GFOD1: variants seen among roughly 807,000 people sequenced by gnomAD.
GFOD1 encodes glucose-fructose oxidoreductase domain-containing protein 1.
In GFOD1, 9 loss-of-function variants were observed where a neutral mutation model predicts 25.4. That is an observed-to-expected ratio of 0.35 (90% confidence interval 0.21 to 0.62). The LOEUF is 0.62. Ranked by LOEUF, GFOD1 falls within the 20% of genes least tolerant of loss-of-function variation. GFOD1 has a pLI of 0.72. For synonymous variants in GFOD1, 253 were observed against 245.6 expected (o/e 1.03, Z -0.28); for missense variants, 403 against 556.9 (o/e 0.72, Z 2.78).
intron 1 of GFOD1, among the ~76,000 whole-genome samples, chr6:13,459,233 C>T (rs1758248307): frequency 1.3e-5 from 2 of 151,950 alleles, no homozygotes; most frequent in Non-Finnish European, 2.9e-5. Context: ...CTTCGACAAA[C>T]CTGACAAAAA....
At chr6:13,396,210 C>T (rs936935597) in intron 1 of GFOD1, among the ~76,000 whole-genome samples, 17 of 152,284 alleles carry the variant, frequency 1.1e-4, no homozygotes, top group African/African-American at 3.6e-4. Flanking sequence ...TGTTTGCCAG[C>T]GACAGTACTA....
chr6:13,403,050 G>A (rs189033281), intron 1 of GFOD1, among the ~76,000 whole-genome samples: 131 of 150,966 alleles, frequency 8.7e-4, no homozygotes, highest in African/African-American at 2.9e-3. Context: ...ATTATACAGT[G>A]TACTTACACA....
intron 1 of GFOD1, among the ~76,000 whole-genome samples, chr6:13,474,021 G>A (rs1302094655): frequency 1.3e-5 from 2 of 152,188 alleles, no homozygotes; most frequent in Non-Finnish European, 2.9e-5. Context: ...AGCCCCTTCC[G>A]GGCCCCTTGT....
In GFOD1 at chr6:13,358,321, C is replaced by T. The variant is rs1022606307; in HGVS notation, c.*6422G>A. On this transcript the variant is annotated 3_prime_UTR_variant, in exon 2 of 2. Coordinates refer to ENST00000379287, the MANE Select transcript of GFOD1 (RefSeq NM_018988.4). Reference sequence around the variant, plus strand: ...TTATATATATAAGTTTGGTTTTATACATATACATACATATATACTCATGTT... The same window carrying T: ...TTATATATATAAGTTTGGTTTTATATATATACATACATATATACTCATGTT... 30 of 151,806 alleles carry T rather than the reference C, an allele frequency of 2.0e-4. No homozygotes were observed. Among genetic ancestry groups the T allele is most frequent in the Non-Finnish European group, 2.6e-4 (18 of 67,988 alleles). The allele number at this position is 151,806 out of a possible 1,614,324, so 9.4% of individuals were successfully genotyped here. A position where few individuals can be genotyped will look rare whatever the true frequency, so the allele number is the denominator to read the frequency against.
rs952552541 is a variant in GFOD1 at position 13,360,568 on chromosome 6, A to G, written c.*4175T>C. 2.2e-4 allele frequency: 86 copies of G among 387,482 alleles called. No individual in the cohort carries two copies. Among genetic ancestry groups the G allele is most frequent in the Middle Eastern group, 4.1e-4 (1 of 2,428 alleles). The allele number at this position is 387,482 out of a possible 1,614,324, so 24.0% of individuals were successfully genotyped here. On this transcript the variant is annotated 3_prime_UTR_variant, in exon 2 of 2. Coordinates refer to ENST00000379287, the MANE Select transcript of GFOD1 (RefSeq NM_018988.4). ...AGCCAACAAGATTTTGAAAATCCCC[A>G]GCCCTGAGGCTTGCTGCATCACCTA... is the stretch of plus-strand genomic sequence containing the variant.
chr6:13,399,533 T>C (rs1207179080), intron 1 of GFOD1, among the ~76,000 whole-genome samples: 1 of 152,180 alleles, frequency 6.6e-6, no homozygotes, highest in African/African-American at 2.4e-5. Flanking sequence ...TAAAATAGAA[T>C]ACTACTCAGC....
intron 1 of GFOD1, among the ~76,000 whole-genome samples, chr6:13,475,724 A>G (rs112672190): frequency 0.025 from 46 of 1,874 alleles, no homozygotes; most frequent in Middle Eastern, 0.5. Flanking sequence ...TCTCAAAATA[A>G]TAATAATAAT....
At chr6:13,388,608 T>G (rs920763067) in intron 1 of GFOD1, among the ~76,000 whole-genome samples, 5 of 152,096 alleles carry the variant, frequency 3.3e-5, no homozygotes, top group African/African-American at 1.2e-4. Flanking sequence ...ATGCAAAAAT[T>G]AACTCAAGAT....
At chr6:13,395,042 C>G (rs997843007) in intron 1 of GFOD1, among the ~76,000 whole-genome samples, 1 of 152,166 alleles carries the variant, frequency 6.6e-6, no homozygotes, top group Non-Finnish European at 1.5e-5. Context: ...TTTAGCCTCT[C>G]AAAGTATTGG....
At chr6:13,385,330 G>A (rs192797882) in intron 1 of GFOD1, among the ~76,000 whole-genome samples, 85 of 152,318 alleles carry the variant, frequency 5.6e-4, no homozygotes, top group Non-Finnish European at 1.0e-3. Context: ...TAAACTGCAA[G>A]ATGACATCTG....
At chr6:13,471,315 G>A (rs770699914) in intron 1 of GFOD1, among the ~76,000 whole-genome samples, 15 of 152,126 alleles carry the variant, frequency 9.9e-5, no homozygotes, top group Non-Finnish European at 2.2e-4. Context: ...GCTTTGAGGA[G>A]GGAAAATGTC....
intron 1 of GFOD1, among the ~76,000 whole-genome samples, chr6:13,386,278 T>C (rs1227975298): frequency 6.6e-6 from 1 of 152,140 alleles, no homozygotes; most frequent in Non-Finnish European, 1.5e-5. Context: ...TGATGTCGAG[T>C]TGTTCTAAGG....
intron 1 of GFOD1, among the ~76,000 whole-genome samples, chr6:13,473,317 CT>C (rs778217980): frequency 9.1e-4 from 139 of 152,328 alleles, no homozygotes; most frequent in Non-Finnish European, 1.8e-3. Flanking sequence ...CTCTCAACAG[CT>C]GACTCTGTTT....
At chr6:13,409,381 A>T (rs1194760897) in intron 1 of GFOD1, among the ~76,000 whole-genome samples, 1 of 151,298 alleles carries the variant, frequency 6.6e-6, no homozygotes, top group African/African-American at 2.4e-5. Flanking sequence ...GGAAGGAAGG[A>T]AGGAAGGAAG....
intron 1 of GFOD1, among the ~76,000 whole-genome samples, chr6:13,460,097 G>A (rs1758266078): frequency 6.6e-6 from 1 of 152,210 alleles, no homozygotes; most frequent in Admixed American, 6.5e-5. Flanking sequence ...TCGCGCCACT[G>A]CACTCCAGCT....
At chr6:13,399,485 A>C (rs1226341599) in intron 1 of GFOD1, among the ~76,000 whole-genome samples, 1 of 152,222 alleles carries the variant, frequency 6.6e-6, no homozygotes, top group Non-Finnish European at 1.5e-5. Context: ...TCAACATCCA[A>C]CAGCAGCTGA....
At position 13,479,035 on chromosome 6, in the gene GFOD1, A is replaced by G. The variant is rs921362016; in HGVS notation, c.253+7603T>C. Among the ~76,000 whole-genome samples, 6 of 151,278 alleles carry G rather than the reference A, an allele frequency of 4.0e-5. 1 individual carries two copies. The South Asian group carries it at 1.3e-3, about 32-fold the overall frequency. On this transcript the variant is annotated intron_variant, in intron 1 of 1. Transcript: ENST00000379287. ...GATTCACAGCAAATATGACACCTGA[A>G]GCTTGGCTTAGGTACCATCCCTTTA...
chr6:13,444,817 T>C (rs1363891108), intron 1 of GFOD1, among the ~76,000 whole-genome samples: 1 of 152,226 alleles, frequency 6.6e-6, no homozygotes, highest in Non-Finnish European at 1.5e-5. Flanking sequence ...CTTGCTTTAT[T>C]GCAGTGGCCT....
At chr6:13,461,915 C>T (rs1036105465) in intron 1 of GFOD1, among the ~76,000 whole-genome samples, 2 of 152,196 alleles carry the variant, frequency 1.3e-5, no homozygotes, top group African/African-American at 2.4e-5. Flanking sequence ...TGCAATGAGT[C>T]ACCAATGCCC....
Sources: gnomAD v4.1 joint callset for allele counts (sites outside exome capture counted in the v4.1 genomes callset) on GRCh38, gnomAD v4.1.1 for gene constraint, MANE v1.5 for transcripts, NCBI Gene and HGNC (gene_info 2026-07-23, HGNC 2026-07-21) for gene names.